Variants in SLC23A2 observed in about 807,000 individuals in gnomAD.
SLC23A2 encodes the protein Na(+)/L-ascorbic acid transporter 2.
A neutral mutation model predicts 73.3 loss-of-function variants in SLC23A2; 36 were observed. That is an observed-to-expected ratio of 0.49 (90% CI 0.38 to 0.65). The LOEUF (loss-of-function observed/expected upper bound fraction) is 0.65. SLC23A2 is among the 30% of genes least tolerant of loss of function. SLC23A2 has a pLI of 0.00. For missense variants in SLC23A2, 507 were observed against 841.6 expected, an observed-to-expected ratio of 0.60 and a Z score of 4.92; for synonymous variants, 343 against 327.3, an observed-to-expected ratio of 1.05 and a Z score of -0.52.
chr20:4,934,282 C>T (rs912286361), intron 2 of SLC23A2, among the ~76,000 whole-genome samples: 1 of 152,094 alleles, frequency 6.6e-6, no homozygotes, highest in South Asian at 2.1e-4. Context: ...CATCACAACT[C>T]GGGGAGAGCT....
chr20:4,923,552 C>T (rs935370097), intron 3 of SLC23A2, among the ~76,000 whole-genome samples: 1 of 152,048 alleles, frequency 6.6e-6, no homozygotes, highest in Non-Finnish European at 1.5e-5. Context: ...TTCCCTGGGC[C>T]GACTCCAGGA....
chr20:5,008,152 C>T (rs1465720189), intron 1 of SLC23A2, among the ~76,000 whole-genome samples: 1 of 152,098 alleles, frequency 6.6e-6, no homozygotes, highest in Non-Finnish European at 1.5e-5. Flanking sequence ...TCAGGTGATC[C>T]ACCTGCCTTG....
Position 4,935,821 on chromosome 20 carries a change from TA to T in SLC23A2, c.-154-3106del, listed in dbSNP as rs925667034. Among the ~76,000 whole-genome samples the T allele has an allele frequency of 9.2e-5, 14 of 151,688 alleles. No individual in the cohort carries two copies. In the East Asian group the frequency reaches 1.2e-3, roughly 13 times the overall value. ...CTCAAAAAAAAATTAAAATTAAAGTTAAAAAAAATATATATCTATATCTATG... is the reference window on the plus strand; with the variant it reads ...CTCAAAAAAAAATTAAAATTAAAGTTAAAAAAATATATATCTATATCTATG... On this transcript the variant is annotated intron_variant, in intron 2 of 16. Coordinates refer to ENST00000338244, the MANE Select transcript of SLC23A2 (RefSeq NM_005116.6).
At chr20:4,900,585 G>A (rs1469650169) in intron 5 of SLC23A2, among the ~76,000 whole-genome samples, 1 of 152,184 alleles carries the variant, frequency 6.6e-6, no homozygotes, top group Non-Finnish European at 1.5e-5. Flanking sequence ...AGCTTCATAA[G>A]TTACATACGC....
rs1246107317 is a variant in SLC23A2 at position 4,855,060 on chromosome 20, C to T, written c.*1912G>A. ...GCCAGTGTGCTTCTAAAGTATGCATCAAAGACACATTTAAAAAAACATACA... is the reference window on the plus strand; with the variant it reads ...GCCAGTGTGCTTCTAAAGTATGCATTAAAGACACATTTAAAAAAACATACA... On this transcript the variant is annotated 3_prime_UTR_variant, in exon 17 of 17. Coordinates refer to ENST00000338244, the MANE Select transcript of SLC23A2 (RefSeq NM_005116.6). 6.6e-6 allele frequency: 1 copy of T among 152,528 alleles called. No homozygotes were observed. Among genetic ancestry groups the T allele is most frequent in the Non-Finnish European group, 1.5e-5 (1 of 68,038 alleles). The allele number at this position is 152,528 out of a possible 1,614,324, so 9.4% of individuals were successfully genotyped here. A position where few individuals can be genotyped will look rare whatever the true frequency, so the allele number is the denominator to read the frequency against.
upstream of SLC23A2, among the ~76,000 whole-genome samples, chr20:5,002,703 T>C (rs1265670895): frequency 6.6e-6 from 1 of 152,212 alleles, no homozygotes; most frequent in Non-Finnish European, 1.5e-5. Context: ...TCTTCCCATT[T>C]ATTTATCTAA....
At chr20:4,867,651 A>T in intron 13 of SLC23A2, 119 bp downstream of exon 13, 33 of 403,880 alleles carry the variant, frequency 8.2e-5, no homozygotes, top group East Asian at 2.4e-4. Flanking sequence ...AAAAAAAAGG[A>T]GAGAAGTAAT....
intron 1 of SLC23A2, among the ~76,000 whole-genome samples, chr20:4,986,651 C>CACACAT (rs2087833525): frequency 1.1e-5 from 1 of 89,186 alleles, no homozygotes; most frequent in African/African-American, 6.1e-5. Context: ...TACACACATA[C>CACACAT]ACACACACAC....
rs186771910 is a variant in SLC23A2, at chr20:4,930,293, A to G, written c.108+2162T>C. ...ACCTTCCCATTCACTCTTCAAGTTC[A>G]TCTAATTTAATCTTGAACAACTGGA... On this transcript the variant is annotated intron_variant, in intron 3 of 16. Coordinates refer to ENST00000338244, the MANE Select transcript of SLC23A2 (RefSeq NM_005116.6). Among the ~76,000 whole-genome samples the G allele has an allele frequency of 5.3e-5, 8 of 152,346 alleles. No individual in the cohort carries two copies. In the East Asian group the frequency reaches 1.5e-3, roughly 29 times the overall value.
At chr20:4,927,818 A>G (rs981206295) in intron 3 of SLC23A2, among the ~76,000 whole-genome samples, 1 of 151,826 alleles carries the variant, frequency 6.6e-6, no homozygotes, top group African/African-American at 2.4e-5. Context: ...TCCCAGACCC[A>G]CCAATTCTTC....
At chr20:4,958,686 C>A (rs924750820) in intron 2 of SLC23A2, among the ~76,000 whole-genome samples, 1 of 151,798 alleles carries the variant, frequency 6.6e-6, no homozygotes, top group Non-Finnish European at 1.5e-5. Flanking sequence ...CCTCGGCCTC[C>A]CAAATTGCTG....
At chr20:4,896,590 A>T (rs1931531116) in intron 6 of SLC23A2, among the ~76,000 whole-genome samples, 1 of 152,112 alleles carries the variant, frequency 6.6e-6, no homozygotes. Context: ...CCAGCTAAGG[A>T]TTCAAAGCAG....
intron 4 of SLC23A2, among the ~76,000 whole-genome samples, chr20:4,910,061 C>T (rs2080324096): frequency 6.6e-6 from 1 of 152,138 alleles, no homozygotes; most frequent in African/African-American, 2.4e-5. Context: ...CTGGGGCAAT[C>T]CGGCTTCCTG....
intron 1 of SLC23A2, among the ~76,000 whole-genome samples, chr20:5,001,068 C>T (rs1269110140): frequency 6.6e-6 from 1 of 152,020 alleles, no homozygotes; most frequent in Non-Finnish European, 1.5e-5. Flanking sequence ...TCTGGGGGCG[C>T]CCCATTTGCC....
intron 1 of SLC23A2, among the ~76,000 whole-genome samples, chr20:4,981,770 C>T (rs545677725): frequency 3.1e-4 from 46 of 148,572 alleles, no homozygotes; most frequent in Middle Eastern, 3.6e-3. Context: ...GGCAAGATCT[C>T]GGCTCACCAC....
intron 2 of SLC23A2, among the ~76,000 whole-genome samples, chr20:4,960,134 C>T (rs2087356927): frequency 6.6e-6 from 1 of 152,186 alleles, no homozygotes; most frequent in Non-Finnish European, 1.5e-5. Context: ...CTGGAAACAA[C>T]ATTCACCTTT....
At chr20:4,960,577 G>A (rs1052186344) in intron 2 of SLC23A2, among the ~76,000 whole-genome samples, 1 of 152,250 alleles carries the variant, frequency 6.6e-6, no homozygotes, top group Non-Finnish European at 1.5e-5. Context: ...TTTCCAGAGT[G>A]ATTAAGTAGG....
At chr20:4,996,729 A>G (rs1036359816) in intron 1 of SLC23A2, among the ~76,000 whole-genome samples, 2 of 149,540 alleles carry the variant, frequency 1.3e-5, no homozygotes, top group African/African-American at 2.5e-5. Flanking sequence ...ATGAGTGAAG[A>G]TTTTCCTGAT....
upstream of SLC23A2, among the ~76,000 whole-genome samples, chr20:5,001,724 G>C (rs1164724508): frequency 6.6e-6 from 1 of 151,610 alleles, no homozygotes; most frequent in East Asian, 2.0e-4. Context: ...CCCCTGCGCA[G>C]AAAGATCGCC....
Sources: allele counts gnomAD v4.1 joint callset (sites outside exome capture counted in the v4.1 genomes callset), GRCh38; gene constraint gnomAD v4.1.1; transcripts MANE v1.5; gene names NCBI Gene and HGNC (gene_info 2026-07-23, HGNC 2026-07-21).